ACTL6A: variants seen among roughly 807,000 people sequenced by gnomAD.
ACTL6A encodes the protein actin-like protein 6A.
A neutral mutation model predicts 59.2 loss-of-function variants in ACTL6A; 5 were observed. The observed-to-expected ratio is 0.08, with a 90% confidence interval of 0.04 to 0.18. ACTL6A has a LOEUF of 0.18. Among genes scored for constraint, ACTL6A ranks in the 10% least tolerant of loss-of-function variants. The pLI is 1.00. For synonymous variants in ACTL6A, 154 were observed against 171.8 expected (o/e 0.90, Z 0.81); for missense variants, 285 against 526.9 (o/e 0.54, Z 4.49).
At chr3:179,583,472 G>T (rs1356296988) in intron 12 of ACTL6A, 24 bp downstream of exon 12, 6 of 1,562,108 alleles carry the variant, frequency 3.8e-6, no homozygotes, top group South Asian at 1.1e-5. Context: ...GTTCTTTAAT[G>T]GTATTCTTCA....
intron 1 of ACTL6A, among the ~76,000 whole-genome samples, chr3:179,568,505 T>TCCCAGAC (rs1041853314): frequency 1.3e-5 from 2 of 151,582 alleles, no homozygotes; most frequent in African/African-American, 4.8e-5. Context: ...TATGTAACAT[T>TCCCAGAC]CCCAGACCCC....
At chr3:179,566,633 C>G (rs1430704368) in intron 1 of ACTL6A, among the ~76,000 whole-genome samples, 1 of 151,502 alleles carries the variant, frequency 6.6e-6, no homozygotes, top group Non-Finnish European at 1.5e-5. Flanking sequence ...CCTCTGTCTT[C>G]ACATGGCCGT....
Position 179,564,513 on chromosome 3 carries a change from G to A in ACTL6A, c.25+1396G>A, listed in dbSNP as rs574073351. ...ACTCTGTGGTTCTATTAAGCCTCCT[G>A]CCTCCCATGGCCACTCTCCTACTTT... On this transcript the variant is annotated intron_variant, in intron 1 of 13. Coordinates refer to ENST00000429709, the MANE Select transcript of ACTL6A (RefSeq NM_004301.5). 2.0e-5 allele frequency among the ~76,000 whole-genome samples: 3 copies of A among 152,246 alleles called. No individual in the cohort carries two copies. In the East Asian group the frequency reaches 5.8e-4, roughly 29 times the overall value.
At chr3:179,585,563 A>G (rs1269617338) in intron 12 of ACTL6A, among the ~76,000 whole-genome samples, 8 of 152,112 alleles carry the variant, frequency 5.3e-5, no homozygotes, top group South Asian at 2.1e-4. Context: ...ATAGTTACCA[A>G]TCTTTCTTAC....
intron 1 of ACTL6A, among the ~76,000 whole-genome samples, chr3:179,566,852 G>C (rs1717851918): frequency 6.6e-6 from 1 of 152,080 alleles, no homozygotes; most frequent in African/African-American, 2.4e-5. Flanking sequence ...GCCACGCCCG[G>C]CTAATTTTTT....
chr3:179,565,931 T>C (rs575432538), intron 1 of ACTL6A, among the ~76,000 whole-genome samples: 5 of 152,286 alleles, frequency 3.3e-5, no homozygotes, highest in Middle Eastern at 3.4e-3. Flanking sequence ...GCACAATATC[T>C]GTAGGGAATT....
intron 3 of ACTL6A, among the ~76,000 whole-genome samples, chr3:179,571,597 CAG>C (rs1338875709): frequency 2.6e-5 from 4 of 152,144 alleles, no homozygotes; most frequent in Admixed American, 6.5e-5. Flanking sequence ...GGAAAAGGGA[CAG>C]GGGATGATGA....
chr3:179,574,580 TC>T (rs1425055758), intron 5 of ACTL6A, 113 bp downstream of exon 5: 3 of 764,888 alleles, frequency 3.9e-6, no homozygotes, highest in Non-Finnish European at 6.7e-6. Flanking sequence ...GTTGTTTTTT[TC>T]CCTTTTCTCT....
chr3:179,573,117 A>G (rs1425149430), intron 3 of ACTL6A: 1 of 301,196 alleles, frequency 3.3e-6, no homozygotes, highest in African/African-American at 2.2e-5. Flanking sequence ...CATTTACTTC[A>G]TATTTTAGGT....
chr3:179,587,750 TC>T (rs1240662295), intron 13 of ACTL6A, among the ~76,000 whole-genome samples, 179 bp from the exon 14 acceptor site: 3 of 151,642 alleles, frequency 2.0e-5, no homozygotes, highest in Non-Finnish European at 2.9e-5. Context: ...GCCCCTGGAG[TC>T]CCAGGCTGAG....
In ACTL6A at chr3:179,587,892, G is replaced by A. The variant is rs758969775; in HGVS notation, c.1210-38G>A. 4.5e-6 allele frequency: 7 copies of A among 1,547,214 alleles called. No individual in the cohort carries two copies. The Admixed American group carries it at 1.1e-4, about 24-fold the overall frequency. On this transcript the variant is annotated intron_variant, in intron 13 of 13. Coordinates refer to ENST00000429709, the MANE Select transcript of ACTL6A (RefSeq NM_004301.5). Reference sequence around the variant, plus strand: ...TTTTTTAAGCCATTTCTAGTAAGAAGTAAGGCATAATTATATAAATTTCTT... The same window carrying A: ...TTTTTTAAGCCATTTCTAGTAAGAAATAAGGCATAATTATATAAATTTCTT...
chr3:179,563,950 AC>A (rs1241832122), intron 1 of ACTL6A, among the ~76,000 whole-genome samples: 1 of 152,086 alleles, frequency 6.6e-6, no homozygotes. Flanking sequence ...AGTTTATGTA[AC>A]TTTCCAACTT....
chr3:179,584,043 C>G (rs756941846), intron 12 of ACTL6A, among the ~76,000 whole-genome samples: 3 of 152,226 alleles, frequency 2.0e-5, no homozygotes, highest in Non-Finnish European at 4.4e-5. Flanking sequence ...TTTCCTAGAG[C>G]TGCCGTAACA....
intron 1 of ACTL6A, among the ~76,000 whole-genome samples, chr3:179,565,478 TATATA>T (rs1717807232): frequency 6.8e-6 from 1 of 146,254 alleles, no homozygotes; most frequent in Non-Finnish European, 1.5e-5. Flanking sequence ...TTGTATATAT[TATATA>T]TTATATGTTA....
chr3:179,572,854 T>G (rs1300556963), intron 3 of ACTL6A, among the ~76,000 whole-genome samples: 1 of 152,166 alleles, frequency 6.6e-6, no homozygotes, highest in Non-Finnish European at 1.5e-5. Context: ...GTAGTTTTAA[T>G]GGAATGTTTA....
chr3:179,578,026 G>T (rs929563763), intron 8 of ACTL6A, among the ~76,000 whole-genome samples: 2 of 152,182 alleles, frequency 1.3e-5, no homozygotes, highest in Admixed American at 1.3e-4. Context: ...GCCAGGTCAA[G>T]TGGTAGTTCT....
chr3:179,575,528 C>T (rs1718142202), intron 5 of ACTL6A: 1 of 441,032 alleles, frequency 2.3e-6, no homozygotes, highest in African/African-American at 2.0e-5. Context: ...CTCCTTCCTC[C>T]CTCCCTCCTT....
intron 3 of ACTL6A, among the ~76,000 whole-genome samples, chr3:179,571,189 CTG>C (rs1456081426): frequency 6.6e-6 from 1 of 151,988 alleles, no homozygotes; most frequent in Non-Finnish European, 1.5e-5. Context: ...GAGGCTGAGA[CTG>C]TGGGTGGATT....
Position 179,563,726 on chromosome 3 carries a change from C to A in ACTL6A, c.25+609C>A, listed in dbSNP as rs60963381. Among the ~76,000 whole-genome samples the A allele has an allele frequency of 9.6e-3, 1,460 of 152,298 alleles. 24 individuals are homozygous for A. Among genetic ancestry groups the A allele is most frequent in the African/African-American group, 0.033 (1,388 of 41,548 alleles). ...TGCCTGTTTTTTGGCTGCGGAGTCT[C>A]CAGAGTGACTCGTGGGCGGGTCTGT... On this transcript the variant is annotated intron_variant, in intron 1 of 13. Coordinates refer to ENST00000429709, the MANE Select transcript of ACTL6A (RefSeq NM_004301.5).
Sources: allele counts gnomAD v4.1 joint callset (sites outside exome capture counted in the v4.1 genomes callset), GRCh38; gene constraint gnomAD v4.1.1; transcripts MANE v1.5; gene names NCBI Gene and HGNC (gene_info 2026-07-23, HGNC 2026-07-21).